The following CHL1 variants were observed in gnomAD, a reference collection of about 807,000 sequenced individuals.
CHL1 encodes cell adhesion molecule L1 like.
CHL1 carries 96 observed loss-of-function variants against 141.9 expected under a neutral mutation model. That is an observed-to-expected ratio of 0.68 (90% CI 0.57 to 0.80). The LOEUF (loss-of-function observed/expected upper bound fraction) is 0.80. Ranked by LOEUF, CHL1 falls within the 30% of genes least tolerant of loss-of-function variation. The pLI is 0.00. For synonymous variants in CHL1, 613 were observed against 502.2 expected (o/e 1.22, Z -2.95); for missense variants, 1,820 against 1,457.2 (o/e 1.25, Z -4.05).
intron 1 of CHL1, among the ~76,000 whole-genome samples, chr3:218,028 T>TCA (rs766065544): frequency 6.6e-6 from 1 of 152,154 alleles, no homozygotes; most frequent in Non-Finnish European, 1.5e-5. Flanking sequence ...ATATGGGTGC[T>TCA]TTGGGGGCTG....
At chr3:342,381 C>T (rs1190901417) in intron 7 of CHL1, among the ~76,000 whole-genome samples, 2 of 152,226 alleles carry the variant, frequency 1.3e-5, no homozygotes, top group East Asian at 1.9e-4. Flanking sequence ...GTTTTCTAAG[C>T]AAATCTTGGG....
At chr3:379,716 A>G (rs1706792656) in intron 16 of CHL1, among the ~76,000 whole-genome samples, 1 of 152,166 alleles carries the variant, frequency 6.6e-6, no homozygotes, top group Non-Finnish European at 1.5e-5. Flanking sequence ...CTACGATTAT[A>G]TGTACTGGTT....
intron 2 of CHL1, among the ~76,000 whole-genome samples, chr3:297,409 A>G (rs1277482960): frequency 6.6e-6 from 1 of 151,796 alleles, no homozygotes; most frequent in Non-Finnish European, 1.5e-5. Flanking sequence ...TCTTTTGCCC[A>G]TTAGACTATT....
chr3:266,119 C>T (rs4684348), intron 2 of CHL1, among the ~76,000 whole-genome samples: 9,784 of 152,064 alleles, frequency 0.064, 382 homozygotes, highest in Non-Finnish European at 0.082. Context: ...AGCATGTATA[C>T]CAGGAGAAGG....
intron 8 of CHL1, among the ~76,000 whole-genome samples, chr3:343,510 T>C (rs1262276984): frequency 6.6e-6 from 1 of 152,212 alleles, no homozygotes; most frequent in Admixed American, 6.5e-5. Flanking sequence ...ATTTTTCAAG[T>C]TCATGTGTCT....
intron 8 of CHL1, 115 bp from the exon 9 acceptor site, chr3:344,474 C>CACAG: frequency 1.5e-6 from 1 of 666,280 alleles, no homozygotes; most frequent in Non-Finnish European, 2.5e-6. Context: ...AGAACACACA[C>CACAG]ACACACACAC....
rs537782750 is a variant in CHL1, at chr3:268,265, G to C, written c.-95+23573G>C. 1.4e-4 allele frequency among the ~76,000 whole-genome samples: 21 copies of C among 152,302 alleles called. 1 individual carries two copies. In the South Asian group the frequency reaches 4.4e-3, roughly 32 times the overall value. On this transcript the variant is annotated intron_variant, in intron 2 of 27. Coordinates refer to ENST00000256509, the MANE Select transcript of CHL1 (RefSeq NM_006614.4). ...AAATGATGACTAGGCCAGGCACAGT[G>C]GCTCACTCCTATAATCCCAGCACTT...
chr3:328,103 T>C (rs1701148232), intron 4 of CHL1, 64 bp from the exon 5 acceptor site: 4 of 1,269,496 alleles, frequency 3.2e-6, no homozygotes, highest in Admixed American at 4.6e-5. Context: ...ATGCAATTGT[T>C]AATAAGTACT....
intron 19 of CHL1, among the ~76,000 whole-genome samples, chr3:385,963 C>T (rs1559343845): frequency 1.3e-5 from 2 of 151,820 alleles, no homozygotes; most frequent in Admixed American, 6.6e-5. Context: ...CCAATATGTC[C>T]CATGGTGTCT....
At chr3:248,263 A>T (rs1476227655) in intron 2 of CHL1, 1 of 152,102 alleles carries the variant, frequency 6.6e-6, no homozygotes, top group East Asian at 1.9e-4. Context: ...AGGCATGAAA[A>T]TTCAGTTAGG....
intron 1 of CHL1, among the ~76,000 whole-genome samples, chr3:215,173 A>G (rs1379883157): frequency 6.6e-6 from 1 of 152,202 alleles, no homozygotes; most frequent in African/African-American, 2.4e-5. Context: ...CTAAGTGTCC[A>G]TCAACAGATG....
intron 2 of CHL1, among the ~76,000 whole-genome samples, chr3:271,380 AGTGAGCT>A (rs1195095803): frequency 6.6e-6 from 1 of 152,222 alleles, no homozygotes; most frequent in Non-Finnish European, 1.5e-5. Flanking sequence ...TGGAGACTGC[AGTGAGCT>A]GTGATTACAC....
intron 9 of CHL1, among the ~76,000 whole-genome samples, chr3:348,787 T>C (rs991423170): frequency 1.3e-5 from 2 of 152,214 alleles, no homozygotes; most frequent in African/African-American, 4.8e-5. Context: ...AGGCAGTATC[T>C]GTGCTGCAGA....
intron 2 of CHL1, chr3:309,252 T>C (rs1470424922): frequency 6.5e-6 from 1 of 152,818 alleles, no homozygotes; most frequent in Admixed American, 6.6e-5. Flanking sequence ...GACTCCCGCT[T>C]CTTGTGGCAG....
chr3:366,967 C>A (rs73013181), intron 15 of CHL1, among the ~76,000 whole-genome samples: 3,332 of 152,310 alleles, frequency 0.022, 54 homozygotes, highest in Non-Finnish European at 0.029. Context: ...CTAGCAAAAC[C>A]TAAATCATAT....
chr3:205,104 CTT>C (rs11424648), intron 1 of CHL1, among the ~76,000 whole-genome samples: 1 of 129,128 alleles, frequency 7.7e-6, no homozygotes, highest in East Asian at 2.2e-4. Flanking sequence ...TTCTTTCTTT[CTT>C]TTTTTTTTTT....
At chr3:365,896 TA>T (rs1379034804) in intron 14 of CHL1, 53 bp from the exon 15 acceptor site, 1 of 1,476,862 alleles carries the variant, frequency 6.8e-7, no homozygotes, top group Non-Finnish European at 9.3e-7. Context: ...AGGCACTTAA[TA>T]ACAAAGTAAG....
intron 2 of CHL1, among the ~76,000 whole-genome samples, chr3:255,618 C>T (rs1694084628): frequency 1.3e-5 from 2 of 152,242 alleles, no homozygotes; most frequent in South Asian, 4.1e-4. Flanking sequence ...TCAATGGATG[C>T]AAGTTGGTAT....
chr3:340,710 GA>G (rs551682463), intron 5 of CHL1, 83 bp from the exon 6 acceptor site: 34 of 1,159,264 alleles, frequency 2.9e-5, no homozygotes, highest in Non-Finnish European at 3.6e-5. Context: ...GCTGAATTTT[GA>G]AAAAAAAGAA....
Sources: allele counts gnomAD v4.1 joint callset (sites outside exome capture counted in the v4.1 genomes callset), GRCh38; gene constraint gnomAD v4.1.1; transcripts MANE v1.5; gene names NCBI Gene and HGNC (gene_info 2026-07-23, HGNC 2026-07-21).